ALPK2: variants seen among roughly 807,000 people sequenced by gnomAD.
ALPK2 encodes the protein alpha-protein kinase 2.
ALPK2 carries 127 observed loss-of-function variants against 163.1 expected under a neutral mutation model. The ratio of observed to expected loss-of-function variants is 0.78; its 90% CI spans 0.67 to 0.90. The LOEUF (loss-of-function observed/expected upper bound fraction) is 0.90. Among genes scored for constraint, ALPK2 ranks in the 40% least tolerant of loss-of-function variants. The probability of loss-of-function intolerance (pLI) is 0.00; values close to 1 mark genes in which losing one functional copy is unlikely to be tolerated. For missense variants in ALPK2, 2,360 were observed against 2,589.6 expected, an observed-to-expected ratio of 0.91 and a Z score of 1.92; for synonymous variants, 953 against 959.1, an observed-to-expected ratio of 0.99 and a Z score of 0.12.
intron 4 of ALPK2, among the ~76,000 whole-genome samples, chr18:58,561,471 C>T (rs1175789050): frequency 6.6e-6 from 1 of 152,078 alleles, no homozygotes; most frequent in Non-Finnish European, 1.5e-5. Context: ...CTTAAAGATC[C>T]CGCCCCCAAA....
At chr18:58,485,409 G>A (rs566316238) in intron 12 of ALPK2, among the ~76,000 whole-genome samples, 1 of 152,248 alleles carries the variant, frequency 6.6e-6, no homozygotes, top group Non-Finnish European at 1.5e-5. Flanking sequence ...CCTTCCTCTC[G>A]GAAGCTAAAG....
At chr18:58,498,210 T>C in intron 11 of ALPK2, 113 bp from the exon 12 acceptor site, 1 of 962,620 alleles carries the variant, frequency 1.0e-6, no homozygotes. Flanking sequence ...TTCTCCTTCC[T>C]GCATAAACAC....
intron 1 of ALPK2, among the ~76,000 whole-genome samples, chr18:58,622,813 C>G (rs2052209074): frequency 6.6e-6 from 1 of 152,146 alleles, no homozygotes; most frequent in African/African-American, 2.4e-5. Context: ...TGTTCCCACC[C>G]TCACTCCCCT....
At chr18:58,546,823 A>G (rs1460611078) in intron 4 of ALPK2, among the ~76,000 whole-genome samples, 4 of 152,220 alleles carry the variant, frequency 2.6e-5, no homozygotes, top group Non-Finnish European at 1.5e-5. Context: ...CATAATTTCC[A>G]TAAAGTGCAA....
At chr18:58,600,985 G>A (rs776032332) in intron 3 of ALPK2, among the ~76,000 whole-genome samples, 1 of 152,244 alleles carries the variant, frequency 6.6e-6, no homozygotes, top group Non-Finnish European at 1.5e-5. Context: ...GCCAAGAGTG[G>A]CAGCTCATGC....
Position 58,534,895 on chromosome 18 carries a change from T to G in ALPK2, c.5292A>C (p.Ser1764=). 6.2e-7 allele frequency: 1 copy of G among 1,614,158 alleles called. No homozygotes were observed. Among genetic ancestry groups the G allele is most frequent in the Non-Finnish European group, 8.5e-7 (1 of 1,180,020 alleles). Residue 1764 remains serine (S), a synonymous_variant, in exon 5 of 13, where the codon TCA becomes TCC. Transcript: ENST00000361673. ...CTTGTTTCTCTTCTGTGTGTGATAA[T>G]GATGTTTCGAGTTTGGGCATCTTTT... The part of the protein sequence containing the change: ...FLKKMPKLET[S]LSHTEEKQDP...
intron 2 of ALPK2, among the ~76,000 whole-genome samples, chr18:58,610,037 A>ACC (rs1412743537): frequency 1.3e-5 from 2 of 151,976 alleles, no homozygotes; most frequent in Non-Finnish European, 2.9e-5. Flanking sequence ...TCTGAGGCTC[A>ACC]CCCCTCTCCT....
chr18:58,596,270 C>T (rs938887526), intron 3 of ALPK2, among the ~76,000 whole-genome samples: 4 of 152,208 alleles, frequency 2.6e-5, no homozygotes, highest in Admixed American at 2.0e-4. Flanking sequence ...GTCAGGGCCT[C>T]GGTGCTGGCT....
chr18:58,536,989 G>A lies in ALPK2; in HGVS notation c.3198C>T (p.Ile1066=). 3 of 1,614,194 alleles carry A rather than the reference G, an allele frequency of 1.9e-6. No individual in the cohort carries two copies. Among genetic ancestry groups the A allele is most frequent in the Non-Finnish European group, 2.5e-6 (3 of 1,180,024 alleles). The part of the protein sequence containing the change: ...QLDHILSGAT[I]KSTKELLCRA... Reference sequence around the variant, plus strand: ...TGCAAAGTAGCTCTTTTGTAGATTTGATGGTAGCACCACTTAAAATATGAT... The same window carrying A: ...TGCAAAGTAGCTCTTTTGTAGATTTAATGGTAGCACCACTTAAAATATGAT... The change falls in exon 5 of 13, where the codon ATC becomes ATT. Residue 1066 remains isoleucine, a synonymous_variant. Transcript: ENST00000361673.
chr18:58,512,911 GTA>G (rs1568070873), intron 10 of ALPK2, among the ~76,000 whole-genome samples: 2 of 135,122 alleles, frequency 1.5e-5, no homozygotes, highest in Admixed American at 7.5e-5. Flanking sequence ...TGTGTGTGGT[GTA>G]TGTGTGATGT....
chr18:58,555,013 T>C (rs576378772), intron 4 of ALPK2, among the ~76,000 whole-genome samples: 30 of 152,346 alleles, frequency 2.0e-4, no homozygotes, highest in Middle Eastern at 3.4e-3. Context: ...GCCATAATTG[T>C]GAGGTCTTCT....
intron 4 of ALPK2, 124 bp downstream of exon 4, chr18:58,578,690 T>C: frequency 1.1e-6 from 1 of 901,992 alleles, no homozygotes; most frequent in Admixed American, 2.8e-5. Flanking sequence ...TTATTTTGAT[T>C]TACATTATGG....
chr18:58,603,093 C>T (rs186225299), intron 3 of ALPK2, among the ~76,000 whole-genome samples: 14 of 152,238 alleles, frequency 9.2e-5, no homozygotes, highest in Non-Finnish European at 1.6e-4. Context: ...TATACTCAGG[C>T]GAGCAGCCTA....
In ALPK2 at chr18:58,553,850, G is replaced by GTTTT. The variant is rs71173061; in HGVS notation, c.1963-15630_1963-15627dup. Reference sequence around the variant, plus strand: ...TCGAGCAGTTGGGGTTTTTTTTTTGGTTTTTTTTTTTTTTTTTTTTTTTTT... The same window carrying GTTTT: ...TCGAGCAGTTGGGGTTTTTTTTTTGGTTTTTTTTTTTTTTTTTTTTTTTTTTTTT... On this transcript the variant is annotated intron_variant, in intron 4 of 12. Transcript: ENST00000361673. Among the ~76,000 whole-genome samples the GTTTT allele has an allele frequency of 1.6e-3, 117 of 74,006 alleles. 2 individuals are homozygous for GTTTT. The highest frequency in any genetic ancestry group is 2.3e-3 in the Non-Finnish European group (101 of 43,472). 48.6% of individuals were successfully genotyped at this position (74,006 alleles called of 152,430 possible). A position where few individuals can be genotyped will look rare whatever the true frequency, so the allele number is the denominator to read the frequency against.
chr18:58,503,859 C>T, intron 11 of ALPK2, 72 bp downstream of exon 11: 1 of 1,442,246 alleles, frequency 6.9e-7, no homozygotes. Context: ...TCTCCCTCCC[C>T]TCCCTCTCCA....
intron 12 of ALPK2, among the ~76,000 whole-genome samples, chr18:58,489,206 T>C (rs35389161): frequency 0.082 from 12,543 of 152,172 alleles, 748 homozygotes; most frequent in Non-Finnish European, 0.13. Context: ...CAGAGGCACG[T>C]TGTGAGCCAG....
chr18:58,624,182 A>G (rs1302552785), intron 1 of ALPK2, among the ~76,000 whole-genome samples: 1 of 152,214 alleles, frequency 6.6e-6, no homozygotes, highest in African/African-American at 2.4e-5. Context: ...GCACTCTCCA[A>G]AAAGTAGTTC....
intron 4 of ALPK2, among the ~76,000 whole-genome samples, chr18:58,554,189 C>T (rs967930013): frequency 6.6e-6 from 1 of 152,124 alleles, no homozygotes; most frequent in African/African-American, 2.4e-5. Flanking sequence ...AGTATGAAAA[C>T]AGACTAATAC....
At chr18:58,551,517 GT>G (rs754692655) in intron 4 of ALPK2, among the ~76,000 whole-genome samples, 54 of 152,294 alleles carry the variant, frequency 3.5e-4, no homozygotes, top group Non-Finnish European at 5.4e-4. Context: ...TATATCTGCA[GT>G]TTCCATGTGC....
Sources: allele counts gnomAD v4.1 joint callset (sites outside exome capture counted in the v4.1 genomes callset), GRCh38; gene constraint gnomAD v4.1.1; transcripts MANE v1.5; gene names NCBI Gene and HGNC (gene_info 2026-07-23, HGNC 2026-07-21).